Variants in CSMD1 observed in about 807,000 individuals in gnomAD.
The protein encoded by CSMD1 is CUB and Sushi multiple domains 1.
In CSMD1, 213 loss-of-function variants were observed where a neutral mutation model predicts 417.5. The observed-to-expected ratio is 0.51, with a 90% CI of 0.46 to 0.57. The LOEUF (loss-of-function observed/expected upper bound fraction) is 0.57, where lower values mean the gene tolerates loss of function less well. Ranked by LOEUF, CSMD1 falls within the 20% of genes least tolerant of loss-of-function variation. CSMD1 has a pLI of 0.00. For synonymous variants in CSMD1, 2,862 were observed against 1,736.8 expected (o/e 1.65, Z -16.11); for missense variants, 6,923 against 4,529.7 (o/e 1.53, Z -15.17).
At chr8:4,536,965 T>C (rs1265691032) in intron 2 of CSMD1, among the ~76,000 whole-genome samples, 1 of 152,192 alleles carries the variant, frequency 6.6e-6, no homozygotes, top group Non-Finnish European at 1.5e-5. Context: ...AAATGGCATA[T>C]CATGATTATC....
chr8:3,907,580 T>G (rs1029920935), intron 5 of CSMD1, among the ~76,000 whole-genome samples: 1 of 152,150 alleles, frequency 6.6e-6, no homozygotes, highest in Non-Finnish European at 1.5e-5. Flanking sequence ...CCAGTGGTTG[T>G]GCCAGGTACA....
At chr8:4,734,064 A>C (rs926377216) in intron 1 of CSMD1, among the ~76,000 whole-genome samples, 6 of 152,194 alleles carry the variant, frequency 3.9e-5, no homozygotes, top group South Asian at 4.1e-4. Context: ...GGAGAAACTG[A>C]GGTGACAAGT....
intron 40 of CSMD1, among the ~76,000 whole-genome samples, chr8:3,148,248 T>G (rs1392401385): frequency 5.3e-5 from 8 of 152,106 alleles, no homozygotes; most frequent in Admixed American, 4.6e-4. Flanking sequence ...ACTTCTGGAG[T>G]GAGTGCTTCA....
chr8:4,736,438 G>C (rs1213963483), intron 1 of CSMD1, among the ~76,000 whole-genome samples: 3 of 152,132 alleles, frequency 2.0e-5, no homozygotes, highest in Non-Finnish European at 4.4e-5. Context: ...TGCATGAACA[G>C]AGAGAAGCAG....
chr8:3,343,816 T>G (rs1340086650), intron 22 of CSMD1, among the ~76,000 whole-genome samples: 1 of 152,184 alleles, frequency 6.6e-6, no homozygotes. Context: ...AAAGGATTTA[T>G]AATATTTTAG....
At chr8:3,589,560 G>A (rs1193081404) in intron 8 of CSMD1, among the ~76,000 whole-genome samples, 1 of 152,108 alleles carries the variant, frequency 6.6e-6, no homozygotes, top group Non-Finnish European at 1.5e-5. Context: ...CTCATTTCTA[G>A]GTGAAATCTG....
chr8:3,942,455 C>T (rs1180836924), intron 5 of CSMD1, among the ~76,000 whole-genome samples: 1 of 152,044 alleles, frequency 6.6e-6, no homozygotes, highest in African/African-American at 2.4e-5. Flanking sequence ...CACACCTGGC[C>T]CATTTGACTA....
chr8:4,925,708 G>A (rs1259356090), intron 1 of CSMD1, among the ~76,000 whole-genome samples: 1 of 151,882 alleles, frequency 6.6e-6, no homozygotes, highest in East Asian at 1.9e-4. Context: ...CACCACGCAG[G>A]GCTAATTTTT....
rs1176272395 is a variant in CSMD1, at chr8:4,236,064, T to G, written c.415+183889A>C. ...GTTTTTTTTTTTTTTTTTTTTTTTT[T>G]TTTTTGTAATTTCATTTTTTCCAGG... is the stretch of plus-strand genomic sequence containing the variant. On this transcript the variant is annotated intron_variant, in intron 3 of 69. Transcript: ENST00000635120. Among the ~76,000 whole-genome samples, 12 of 145,718 alleles carry G rather than the reference T, an allele frequency of 8.2e-5. 1 individual carries two copies. The highest frequency in any genetic ancestry group is 4.3e-4 in the South Asian group (2 of 4,644).
intron 10 of CSMD1, among the ~76,000 whole-genome samples, chr8:3,526,906 C>A (rs956213053): frequency 5.3e-5 from 8 of 152,076 alleles, no homozygotes; most frequent in African/African-American, 1.7e-4. Context: ...TCCTAATATT[C>A]CTTTCATCTA....
intron 3 of CSMD1, among the ~76,000 whole-genome samples, chr8:4,169,332 C>G (rs1406743193): frequency 6.6e-6 from 1 of 152,166 alleles, no homozygotes; most frequent in Non-Finnish European, 1.5e-5. Flanking sequence ...CTCCCATGTG[C>G]CTTCTTCCAT....
chr8:4,673,694 A>T (rs548411494), intron 1 of CSMD1, among the ~76,000 whole-genome samples: 1 of 152,206 alleles, frequency 6.6e-6, no homozygotes, highest in Non-Finnish European at 1.5e-5. Flanking sequence ...TTTTCCCCCA[A>T]GAAAACCCAC....
rs183694890 is a variant in CSMD1, at chr8:4,331,994, T to C, written c.415+87959A>G. On this transcript the variant is annotated intron_variant, in intron 3 of 69. Transcript: ENST00000635120. The stretch of plus-strand genomic sequence containing the variant: ...ATGCAAAGCACATCTGAAATGAAAA[T>C]GCTGAGTAATTTACTCAAACCCACA... Among the ~76,000 whole-genome samples, 58 of 152,264 alleles carry C rather than the reference T, an allele frequency of 3.8e-4. 1 individual carries two copies. The East Asian group carries it at 0.011, about 29-fold the overall frequency.
chr8:4,494,005 A>C (rs1417030689), intron 2 of CSMD1, among the ~76,000 whole-genome samples: 1 of 152,198 alleles, frequency 6.6e-6, no homozygotes, highest in Non-Finnish European at 1.5e-5. Flanking sequence ...ACACATAGAT[A>C]TAGGAGAAGA....
At chr8:4,115,864 T>C (rs756878886) in intron 3 of CSMD1, among the ~76,000 whole-genome samples, 6 of 152,048 alleles carry the variant, frequency 3.9e-5, no homozygotes, top group African/African-American at 1.2e-4. Context: ...TCCCCAATCA[T>C]ATGACATTCT....
chr8:4,228,916 C>G (rs1585059599), intron 3 of CSMD1, among the ~76,000 whole-genome samples: 1 of 151,986 alleles, frequency 6.6e-6, no homozygotes, highest in Admixed American at 6.6e-5. Context: ...TCCTGACTGC[C>G]TCGGTCTCCA....
chr8:3,696,288 G>C (rs959181682), intron 7 of CSMD1, among the ~76,000 whole-genome samples: 6 of 152,144 alleles, frequency 3.9e-5, no homozygotes, highest in East Asian at 1.9e-4. Flanking sequence ...ATAATATGCA[G>C]TGCATGCAAA....
chr8:4,321,112 T>G (rs1181576636), intron 3 of CSMD1, among the ~76,000 whole-genome samples: 1 of 152,118 alleles, frequency 6.6e-6, no homozygotes, highest in Non-Finnish European at 1.5e-5. Context: ...TAGACTCTAG[T>G]CTAAATCAAT....
intron 2 of CSMD1, among the ~76,000 whole-genome samples, chr8:4,543,037 G>A (rs1188849547): frequency 6.6e-6 from 1 of 152,094 alleles, no homozygotes; most frequent in East Asian, 1.9e-4. Flanking sequence ...GTAAAATGTA[G>A]CAGAAATAAG....
Sources: gnomAD v4.1 joint callset for allele counts (sites outside exome capture counted in the v4.1 genomes callset) on GRCh38, gnomAD v4.1.1 for gene constraint, MANE v1.5 for transcripts, NCBI Gene and HGNC (gene_info 2026-07-23, HGNC 2026-07-21) for gene names.